Variants in ZC3H7A observed in about 807,000 individuals in gnomAD.
ZC3H7A encodes the protein zinc finger CCCH domain-containing protein 7A.
In ZC3H7A, 44 loss-of-function variants were observed where a neutral mutation model predicts 125.5. The ratio of observed to expected loss-of-function variants is 0.35; its 90% CI spans 0.28 to 0.45. The LOEUF (loss-of-function observed/expected upper bound fraction) is 0.45, where lower values mean the gene tolerates loss of function less well. ZC3H7A is among the 20% of genes least tolerant of loss of function. The probability of loss-of-function intolerance (pLI) is 1.00; values close to 1 mark genes in which losing one functional copy is unlikely to be tolerated. For synonymous variants in ZC3H7A, 399 were observed against 391.2 expected (o/e 1.02, Z -0.23); for missense variants, 977 against 1,170.7 (o/e 0.83, Z 2.41).
chr16:11,768,908 A>C (rs2052918040), intron 11 of ZC3H7A, 123 bp downstream of exon 11: 1 of 972,976 alleles, frequency 1.0e-6, no homozygotes, highest in African/African-American at 1.7e-5. Flanking sequence ...TTACTTTAAC[A>C]CAATTTCCTG....
chr16:11,777,632 A>T (rs1339346949), intron 4 of ZC3H7A, among the ~76,000 whole-genome samples: 1 of 152,098 alleles, frequency 6.6e-6, no homozygotes, highest in African/African-American at 2.4e-5. Context: ...GAAGCAGGAA[A>T]ATCACTTGAA....
At chr16:11,792,363 G>A (rs758111170) in intron 1 of ZC3H7A, among the ~76,000 whole-genome samples, 11 of 152,178 alleles carry the variant, frequency 7.2e-5, no homozygotes, top group Non-Finnish European at 1.6e-4. Flanking sequence ...AAGATCTCAA[G>A]GTATCCTGGA....
At chr16:11,762,625 T>C in intron 17 of ZC3H7A, 46 bp downstream of exon 17, 1 of 1,580,878 alleles carries the variant, frequency 6.3e-7, no homozygotes, top group South Asian at 1.1e-5. Context: ...TATTACGCAA[T>C]TCCAGAAAGG....
Position 11,772,181 on chromosome 16 carries a change from T to C in ZC3H7A, c.904-1194A>G, listed in dbSNP as rs879315409. On this transcript the variant is annotated intron_variant, in intron 9 of 22. Transcript: ENST00000355758. Reference sequence around the variant, plus strand: ...CTGCACACCAGCCTGGGCGACAGAGTGAGACTCTGTCTCAAAAAAAAAAAA... The same window carrying C: ...CTGCACACCAGCCTGGGCGACAGAGCGAGACTCTGTCTCAAAAAAAAAAAA... Among the ~76,000 whole-genome samples the C allele has an allele frequency of 4.3e-3, 610 of 143,070 alleles. 5 individuals are homozygous for C. Among genetic ancestry groups the C allele is most frequent in the African/African-American group, 0.016 (583 of 35,906 alleles). 93.9% of individuals were successfully genotyped at this position (143,070 alleles called of 152,430 possible). A position where few individuals can be genotyped will look rare whatever the true frequency, so the allele number is the denominator to read the frequency against.
intron 7 of ZC3H7A, among the ~76,000 whole-genome samples, chr16:11,775,963 C>T: frequency 6.6e-6 from 1 of 152,114 alleles, no homozygotes; most frequent in African/African-American, 2.4e-5. Context: ...AGTTTGAGGC[C>T]AGCCTGGGCA....
At chr16:11,764,340 G>A (rs1281248148) in intron 15 of ZC3H7A, among the ~76,000 whole-genome samples, 1 of 152,084 alleles carries the variant, frequency 6.6e-6, no homozygotes, top group African/African-American at 2.4e-5. Flanking sequence ...CTTGAGGTCA[G>A]GAGTTCAAGA....
At chr16:11,781,348 T>C in intron 3 of ZC3H7A, 77 bp downstream of exon 3, 1 of 1,459,554 alleles carries the variant, frequency 6.9e-7, no homozygotes. Flanking sequence ...AAGGCCATCA[T>C]TTGCCAACCC....
chr16:11,790,006 G>A (rs574421103), intron 1 of ZC3H7A, among the ~76,000 whole-genome samples: 12 of 149,580 alleles, frequency 8.0e-5, no homozygotes, highest in Admixed American at 2.7e-4. Flanking sequence ...GCTAGAACCC[G>A]GGAGGTGCAG....
intron 20 of ZC3H7A, 117 bp from the exon 21 acceptor site, chr16:11,756,487 A>G: frequency 3.1e-6 from 4 of 1,303,412 alleles, no homozygotes; most frequent in Non-Finnish European, 4.2e-6. Context: ...AAGGGGGCTG[A>G]AGGAGACTAT....
chr16:11,768,944 C>G, intron 11 of ZC3H7A, 87 bp downstream of exon 11: 1 of 1,329,216 alleles, frequency 7.5e-7, no homozygotes, highest in Non-Finnish European at 1.0e-6. Flanking sequence ...TTAAGGGAGA[C>G]TGTCATGTTC....
chr16:11,784,595 C>T lies in ZC3H7A; in HGVS notation c.-34-2207G>A, dbSNP rs965989275. ...AAGAGGCCGGGCGCAGTGGCTCGCG[C>T]CTGTAATCCAGCACTTTGAGAGGCC... is the stretch of plus-strand genomic sequence containing the variant. On this transcript the variant is annotated intron_variant, in intron 1 of 22. Transcript: ENST00000355758. Among the ~76,000 whole-genome samples the T allele has an allele frequency of 3.3e-5, 5 of 152,158 alleles. No individual in the cohort carries two copies. In the East Asian group the frequency reaches 7.7e-4, roughly 24 times the overall value.
At chr16:11,771,470 G>C (rs1213741223) in intron 9 of ZC3H7A, among the ~76,000 whole-genome samples, 1 of 150,892 alleles carries the variant, frequency 6.6e-6, no homozygotes, top group South Asian at 2.1e-4. Flanking sequence ...TTCTTTTCAA[G>C]AATAATTTTT....
At chr16:11,789,600 G>A (rs2053316963) in intron 1 of ZC3H7A, among the ~76,000 whole-genome samples, 1 of 152,084 alleles carries the variant, frequency 6.6e-6, no homozygotes, top group African/African-American at 2.4e-5. Flanking sequence ...AGTGAGTTCT[G>A]TACCCCACTG....
chr16:11,751,191 G>C lies in ZC3H7A; in HGVS notation c.*126C>G. ...ATTTTCCTACCTACTGTGGGTTGCT[G>C]CTCAGGAGGAACGATATACGCCAAT... On this transcript the variant is annotated 3_prime_UTR_variant, in exon 23 of 23. Transcript: ENST00000355758. 1 of 1,027,740 alleles carries C rather than the reference G, an allele frequency of 9.7e-7. No homozygotes were observed. Among genetic ancestry groups the C allele is most frequent in the Non-Finnish European group, 1.4e-6 (1 of 730,702 alleles). 63.7% of individuals were successfully genotyped at this position (1,027,740 alleles called of 1,614,324 possible).
At chr16:11,787,298 G>A (rs2053270938) in intron 1 of ZC3H7A, among the ~76,000 whole-genome samples, 1 of 152,104 alleles carries the variant, frequency 6.6e-6, no homozygotes, top group Non-Finnish European at 1.5e-5. Context: ...ACAAGATCTT[G>A]TCTCTTAAAT....
At chr16:11,767,339 T>C in intron 13 of ZC3H7A, 78 bp downstream of exon 13, 2 of 1,101,674 alleles carry the variant, frequency 1.8e-6, no homozygotes, top group South Asian at 1.7e-5. Flanking sequence ...TCTCACAATG[T>C]ATCCTGTCAT....
chr16:11,775,801 C>A (rs2053070176), intron 7 of ZC3H7A, among the ~76,000 whole-genome samples: 1 of 152,168 alleles, frequency 6.6e-6, no homozygotes, highest in Non-Finnish European at 1.5e-5. Flanking sequence ...CCCACTGGAG[C>A]ATTCAGGAAA....
At chr16:11,771,462 C>G (rs1326709299) in intron 9 of ZC3H7A, among the ~76,000 whole-genome samples, 1 of 151,614 alleles carries the variant, frequency 6.6e-6, no homozygotes, top group African/African-American at 2.4e-5. Context: ...TACAGAACTT[C>G]TTTTCAAGAA....
In ZC3H7A at chr16:11,768,521, A is replaced by AAG. The variant is rs1555495212; in HGVS notation, c.1174-21_1174-20insCT. 5.4e-6 allele frequency: 5 copies of AAG among 921,040 alleles called. No homozygotes were observed. In the African/African-American group the frequency reaches 1.2e-4, roughly 22 times the overall value. The allele number at this position is 921,040 out of a possible 1,614,324, so 57.1% of individuals were successfully genotyped here. On this transcript the variant is annotated intron_variant, in intron 11 of 22. Transcript: ENST00000355758. ...ATTCATCTGCAAGAAAAATAAGAAG[A>AAG]AAAAAAAAAAAAACAGCCAACAAAT...
Sources: allele counts gnomAD v4.1 joint callset (sites outside exome capture counted in the v4.1 genomes callset), GRCh38; gene constraint gnomAD v4.1.1; transcripts MANE v1.5; gene names NCBI Gene and HGNC (gene_info 2026-07-23, HGNC 2026-07-21).